Variants in PRKN observed in about 807,000 individuals in gnomAD.
PRKN encodes the protein parkin RBR E3 ubiquitin protein ligase.
Under a neutral mutation model 59.5 loss-of-function variants are expected in PRKN, and 56 were observed. The observed-to-expected ratio is 0.94, with a 90% CI of 0.76 to 1.18. The LOEUF (loss-of-function observed/expected upper bound fraction) is 1.18, where lower values mean the gene tolerates loss of function less well. Among genes scored for constraint, PRKN ranks in the 50% most tolerant of loss-of-function variants. PRKN has a pLI of 0.00. For missense variants in PRKN, 657 were observed against 596.4 expected (o/e 1.10, Z -1.06); for synonymous variants, 250 against 222.1 (o/e 1.13, Z -1.12).
At chr6:161,667,191 C>T (rs1409467197) in intron 7 of PRKN, among the ~76,000 whole-genome samples, 4 of 152,142 alleles carry the variant, frequency 2.6e-5, no homozygotes, top group African/African-American at 9.7e-5. Flanking sequence ...GAGTTTTAGC[C>T]GTCATCATTA....
chr6:161,636,071 C>T (rs745452846), intron 7 of PRKN, among the ~76,000 whole-genome samples: 2 of 152,144 alleles, frequency 1.3e-5, no homozygotes, highest in Non-Finnish European at 2.9e-5. Flanking sequence ...TCTCCCATCT[C>T]GAGTCTCCCA....
chr6:162,010,062 T>G lies in PRKN; in HGVS notation c.619-36645A>C, dbSNP rs1583474545. Among the ~76,000 whole-genome samples the G allele has an allele frequency of 3.3e-5, 5 of 151,246 alleles. No individual in the cohort carries two copies. In the South Asian group the frequency reaches 1.0e-3, roughly 31 times the overall value. On this transcript the variant is annotated intron_variant, in intron 5 of 11. Transcript: ENST00000366898. ...ATTTAATGAAACAAACAACAATCTT[T>G]TAGAGGAAGCAATGGAACATTTTAG... is the stretch of plus-strand genomic sequence containing the variant.
At chr6:162,008,687 T>C (rs765973670) in intron 5 of PRKN, among the ~76,000 whole-genome samples, 2 of 152,064 alleles carry the variant, frequency 1.3e-5, no homozygotes, top group African/African-American at 2.4e-5. Context: ...TAAAAGGAAA[T>C]AGACCATGAG....
chr6:162,238,794 C>T (rs1415076440), intron 3 of PRKN, among the ~76,000 whole-genome samples: 1 of 152,178 alleles, frequency 6.6e-6, no homozygotes, highest in Non-Finnish European at 1.5e-5. Flanking sequence ...TGCCCAGAGC[C>T]ACTGGAGGTA....
At chr6:162,635,227 GAGA>G (rs1777666263) in intron 1 of PRKN, among the ~76,000 whole-genome samples, 1 of 152,150 alleles carries the variant, frequency 6.6e-6, no homozygotes, top group South Asian at 2.1e-4. Context: ...CATGGGTCTT[GAGA>G]AGGGTAATCA....
At chr6:162,531,523 T>C (rs1042380971) in intron 1 of PRKN, among the ~76,000 whole-genome samples, 6 of 151,990 alleles carry the variant, frequency 3.9e-5, no homozygotes, top group Admixed American at 1.3e-4. Context: ...GATGAAATCA[T>C]AGGACCCGGA....
intron 6 of PRKN, among the ~76,000 whole-genome samples, chr6:161,931,541 A>C (rs1325166141): frequency 6.6e-6 from 1 of 152,134 alleles, no homozygotes; most frequent in East Asian, 1.9e-4. Context: ...AAAATTGTAA[A>C]AAGTAGATTT....
chr6:162,470,516 G>A (rs530063952), intron 1 of PRKN, among the ~76,000 whole-genome samples: 40 of 152,072 alleles, frequency 2.6e-4, no homozygotes, highest in African/African-American at 7.0e-4. Context: ...GCTTGAACCC[G>A]GGAGGCGGAG....
In PRKN at chr6:162,037,632, T is replaced by C. The variant is rs529722503; in HGVS notation, c.618+16459A>G. Among the ~76,000 whole-genome samples, 9 of 151,126 alleles carry C rather than the reference T, an allele frequency of 6.0e-5. No individual in the cohort carries two copies. The South Asian group carries it at 1.9e-3, about 32-fold the overall frequency. On this transcript the variant is annotated intron_variant, in intron 5 of 11. Transcript: ENST00000366898. ...CGTGATCTCGGCTCACTGCAACCCC[T>C]GCCTCCTGGGTTCAAGCAATTCTCC...
chr6:162,578,869 A>G (rs1198966244), intron 1 of PRKN, among the ~76,000 whole-genome samples: 1 of 152,236 alleles, frequency 6.6e-6, no homozygotes, highest in Admixed American at 6.5e-5. Context: ...TTTTCTTAGA[A>G]AAAGGAAAAC....
chr6:162,210,988 A>C (rs1271932531), intron 3 of PRKN, among the ~76,000 whole-genome samples: 2 of 152,208 alleles, frequency 1.3e-5, no homozygotes, highest in Non-Finnish European at 2.9e-5. Context: ...TCAGCATTTC[A>C]TAACAAAGAA....
intron 3 of PRKN, among the ~76,000 whole-genome samples, chr6:162,235,958 G>GAAAGAAAAAGAAAGAAAGAAAGAA (rs1562602229): frequency 2.2e-5 from 2 of 92,678 alleles, no homozygotes; most frequent in Admixed American, 1.2e-4. Context: ...AGGAAGAAAG[G>GAAAGAAAAAGAAAGAAAGAAAGAA]AAGAAAGAAA....
At position 161,454,962 on chromosome 6, in the gene PRKN, A is replaced by T. The variant is rs1789897332; in HGVS notation, c.1084-68085T>A. Among the ~76,000 whole-genome samples the T allele has an allele frequency of 6.6e-6, 1 of 151,528 alleles. No individual in the cohort carries two copies. Among genetic ancestry groups the T allele is most frequent in the African/African-American group, 2.4e-5 (1 of 41,218 alleles). ...TCTCTAGACATTATATTACATCTAG[A>T]TTTGTCATATCCTGTCTCTCCTATT... is the stretch of plus-strand genomic sequence containing the variant. On this transcript the variant is annotated intron_variant, in intron 9 of 11. Transcript: ENST00000366898. The surrounding 1 kb of genome is among the most constrained non-coding windows in gnomAD (Gnocchi z 4.6).
intron 1 of PRKN, among the ~76,000 whole-genome samples, chr6:162,540,308 C>A (rs539514619): frequency 3.9e-4 from 60 of 152,230 alleles, no homozygotes; most frequent in African/African-American, 1.4e-3. Flanking sequence ...CAGCTCGCTG[C>A]AATCTCTGCC....
intron 1 of PRKN, among the ~76,000 whole-genome samples, chr6:162,602,719 T>A (rs1781759494): frequency 6.6e-6 from 1 of 152,178 alleles, no homozygotes; most frequent in Non-Finnish European, 1.5e-5. Context: ...TACAACATTT[T>A]CACATGCAAA....
chr6:161,741,854 C>T lies in PRKN; in HGVS notation c.871+43918G>A, dbSNP rs142537007. On this transcript the variant is annotated intron_variant, in intron 7 of 11. Transcript: ENST00000366898. ...TGTAATAATCCCCACATGTTAAGGGCGGGCCCAGTGGAGATAATTGAATCA... is the reference window on the plus strand; with the variant it reads ...TGTAATAATCCCCACATGTTAAGGGTGGGCCCAGTGGAGATAATTGAATCA... Among the ~76,000 whole-genome samples, 896 of 152,234 alleles carry T rather than the reference C, an allele frequency of 5.9e-3. 4 individuals carry two copies. The highest frequency in any genetic ancestry group is 9.6e-3 in the Non-Finnish European group (654 of 68,006).
At chr6:162,434,373 T>C (rs572600805) in intron 2 of PRKN, among the ~76,000 whole-genome samples, 1 of 152,186 alleles carries the variant, frequency 6.6e-6, no homozygotes, top group Non-Finnish European at 1.5e-5. Flanking sequence ...AAGAAAGATC[T>C]TTCAGCCCAT....
Position 161,518,003 on chromosome 6 carries a change from T to C in PRKN, c.1083+30851A>G, listed in dbSNP as rs1343077180. ...ACACATGAAATCAAGAGGACTATTA[T>C]TTCCTCGGGGAGACTGGCAGAAGTT... On this transcript the variant is annotated intron_variant, in intron 9 of 11. Transcript: ENST00000366898. The surrounding 1 kb of genome is among the most constrained non-coding windows in gnomAD (Gnocchi z 5.0). Among the ~76,000 whole-genome samples, 2 of 152,158 alleles carry C rather than the reference T, an allele frequency of 1.3e-5. No homozygotes were observed. The highest frequency in any genetic ancestry group is 3.9e-4 in the East Asian group (2 of 5,192).
intron 10 of PRKN, among the ~76,000 whole-genome samples, chr6:161,383,943 G>A (rs1786113880): frequency 6.6e-6 from 1 of 152,174 alleles, no homozygotes; most frequent in Non-Finnish European, 1.5e-5. Flanking sequence ...TGGCTGGTTG[G>A]TTTGCTTTGT....
Sources: gnomAD v4.1 joint callset for allele counts (sites outside exome capture counted in the v4.1 genomes callset) on GRCh38, gnomAD v4.1.1 for gene constraint, Gnocchi (gnomAD v3.1) non-coding constraint, MANE v1.5 for transcripts, NCBI Gene and HGNC (gene_info 2026-07-23, HGNC 2026-07-21) for gene names.